Variants in ADNP2 observed in about 807,000 individuals in gnomAD.
The protein encoded by ADNP2 is ADNP homeobox 2, also known as activity-dependent neuroprotector homeobox protein 2.
Under a neutral mutation model 16.4 loss-of-function variants are expected in ADNP2, and 8 were observed. The observed-to-expected ratio is 0.49, with a 90% confidence interval of 0.29 to 0.88. ADNP2 has a LOEUF of 0.88. Ranked by LOEUF, ADNP2 falls within the 40% of genes least tolerant of loss-of-function variation. The pLI, the probability that ADNP2 is intolerant of heterozygous loss-of-function variation, is 0.09. For synonymous variants in ADNP2, 637 were observed against 545.8 expected, an observed-to-expected ratio of 1.17 and a Z score of -2.33; for missense variants, 1,397 against 1,395.1, an observed-to-expected ratio of 1.00 and a Z score of -0.02.
At chr18:80,109,658 G>A (rs1161231739) in intron 1 of ADNP2, 186 bp downstream of exon 1, 5 of 149,550 alleles carry the variant, frequency 3.3e-5, no homozygotes, top group African/African-American at 7.3e-5. Context: ...TCAGGGCGCG[G>A]GTTCGCGGCC....
chr18:80,115,196 C>T (rs1319130270), intron 1 of ADNP2, among the ~76,000 whole-genome samples: 2 of 152,110 alleles, frequency 1.3e-5, no homozygotes, highest in African/African-American at 2.4e-5. Flanking sequence ...GATATATGCC[C>T]ACATTGTCTC....
chr18:80,112,467 C>T (rs566067794), intron 1 of ADNP2, among the ~76,000 whole-genome samples: 1 of 151,682 alleles, frequency 6.6e-6, no homozygotes, highest in African/African-American at 2.4e-5. Flanking sequence ...TTTTCCCCCT[C>T]CTTTTTTTAA....
In ADNP2 at chr18:80,136,327, C is replaced by T; in HGVS notation, c.914C>T (p.Ala305Val). Residue 305 changes from alanine to valine, a missense_variant, in exon 4 of 4, where the codon GCA becomes GTA. Physicochemically the swap from Ala to Val is moderately conservative, Grantham distance 64. Coordinates refer to ENST00000262198, the MANE Select transcript of ADNP2 (RefSeq NM_014913.4). ...CCACAGAACAGTCCAAGCCCAGCCG[C>T]AGGACAGCCAGTGACTGTGGCCCAG... ...ALPQNSPSPA[A>V]GQPVTVAQGA... 4 of 1,614,146 alleles carry T rather than the reference C, an allele frequency of 2.5e-6. No individual in the cohort carries two copies. The highest frequency in any genetic ancestry group is 3.4e-6 in the Non-Finnish European group (4 of 1,179,982).
intron 3 of ADNP2, among the ~76,000 whole-genome samples, chr18:80,134,116 TCTC>T (rs1427353360): frequency 1.3e-5 from 2 of 152,172 alleles, no homozygotes; most frequent in Admixed American, 6.5e-5. Flanking sequence ...GTGATTTAGT[TCTC>T]CTCCACCTGA....
intron 1 of ADNP2, among the ~76,000 whole-genome samples, chr18:80,114,144 A>C (rs1239112616): frequency 6.6e-6 from 1 of 151,480 alleles, no homozygotes; most frequent in African/African-American, 2.4e-5. Flanking sequence ...AGTGAGCTGT[A>C]ATCAAGCCAC....
intron 1 of ADNP2, among the ~76,000 whole-genome samples, chr18:80,116,069 G>C (rs1424256220): frequency 6.6e-6 from 1 of 152,172 alleles, no homozygotes; most frequent in Non-Finnish European, 1.5e-5. Flanking sequence ...TCGGCCCACT[G>C]TTGTGCTTTC....
Position 80,137,328 on chromosome 18 carries a change from A to T in ADNP2, c.1915A>T (p.Met639Leu). 1 of 1,613,952 alleles carries T rather than the reference A, an allele frequency of 6.2e-7. No individual in the cohort carries two copies. The highest frequency in any genetic ancestry group is 8.5e-7 in the Non-Finnish European group (1 of 1,179,916). The change falls in exon 4 of 4, where the codon ATG (methionine) becomes TTG (leucine). Residue 639 changes from methionine (M) to leucine (L), a missense_variant. Met to Leu is a conservative substitution (Grantham distance 15). Transcript: ENST00000262198. This position sits in a 1 kb window ranked among gnomAD's most constrained non-coding sequence, Gnocchi z 4.2. Reference sequence around the variant, plus strand: ...CCTTGCGACTGTCGCTCCGCCCCAGATGCCCATCCAGCTCCTGCCGTCAGG... The same window carrying T: ...CCTTGCGACTGTCGCTCCGCCCCAGTTGCCCATCCAGCTCCTGCCGTCAGG... ...GGLATVAPPQMPIQLLPSGAA... is the reference protein window; with the variant it reads ...GGLATVAPPQLPIQLLPSGAA...
At chr18:80,115,457 T>C (rs1208522798) in intron 1 of ADNP2, among the ~76,000 whole-genome samples, 1 of 152,332 alleles carries the variant, frequency 6.6e-6, no homozygotes, top group East Asian at 1.9e-4. Context: ...GGCAGAGCTA[T>C]GGAATGTATG....
intron 1 of ADNP2, among the ~76,000 whole-genome samples, chr18:80,116,871 A>G (rs541852699): frequency 1.3e-5 from 2 of 152,214 alleles, no homozygotes; most frequent in East Asian, 3.9e-4. Flanking sequence ...CCTGAGCTCA[A>G]ACAGTCTGCC....
rs976623961 is a variant in ADNP2, at chr18:80,136,820, A to T, written c.1407A>T (p.Gln469His). Residue 469 changes from glutamine to histidine, a missense_variant, in exon 4 of 4, where the codon CAA (glutamine) becomes CAT (histidine). Coordinates refer to ENST00000262198, the MANE Select transcript of ADNP2 (RefSeq NM_014913.4). ...CTCCTGCAGGGGTTATCCCTGGGCA[A>T]ACAGCAACTTCTGGGGTTCTTCCTA... ...QMTPAGVIPGQTATSGVLPTG... is the reference protein window; with the variant it reads ...QMTPAGVIPGHTATSGVLPTG... The T allele has an allele frequency of 1.2e-6, 2 of 1,613,978 alleles. 1 individual carries two copies. The highest frequency in any genetic ancestry group is 2.7e-5 in the African/African-American group (2 of 74,982).
chr18:80,111,155 T>C (rs749949500), intron 1 of ADNP2, among the ~76,000 whole-genome samples: 2 of 152,334 alleles, frequency 1.3e-5, no homozygotes, highest in Non-Finnish European at 2.9e-5. Context: ...TCCCAGTGAT[T>C]TGAACCCAGA....
chr18:80,139,345 C>T lies in ADNP2; in HGVS notation c.*536C>T, dbSNP rs944403859. On this transcript the variant is annotated 3_prime_UTR_variant, in exon 4 of 4. Transcript: ENST00000262198. Reference sequence around the variant, plus strand: ...ACTTACGCTGACTTCTTTGTAAGATCTTTGCTTATAGATTATAATTTAGAT... The same window carrying T: ...ACTTACGCTGACTTCTTTGTAAGATTTTTGCTTATAGATTATAATTTAGAT... 1 of 151,240 alleles carries T rather than the reference C, an allele frequency of 6.6e-6. No homozygotes were observed. The highest frequency in any genetic ancestry group is 2.4e-5 in the African/African-American group (1 of 41,200). 9.4% of individuals were successfully genotyped at this position (151,240 alleles called of 1,614,324 possible).
At chr18:80,128,087 A>T (rs1013693535) in intron 2 of ADNP2, among the ~76,000 whole-genome samples, 1 of 152,196 alleles carries the variant, frequency 6.6e-6, no homozygotes, top group Non-Finnish European at 1.5e-5. Flanking sequence ...GGTGATAATG[A>T]CTTCATAATT....
At chr18:80,118,446 T>A (rs2052403072) in intron 2 of ADNP2, among the ~76,000 whole-genome samples, 1 of 151,586 alleles carries the variant, frequency 6.6e-6, no homozygotes, top group Non-Finnish European at 1.5e-5. Flanking sequence ...AAAAAAAAAG[T>A]TCTTATATAT....
chr18:80,137,285 G>T lies in ADNP2; in HGVS notation c.1872G>T (p.Leu624=), dbSNP rs772357620. The change falls in exon 4 of 4, where the codon CTG becomes CTT. Residue 624 remains leucine, a synonymous_variant. Transcript: ENST00000262198. This position sits in a 1 kb window ranked among gnomAD's most constrained non-coding sequence, Gnocchi z 4.2. ...TYTLAPVSVT[L]PVPPGGLATV... is the part of the protein sequence containing the mutation. ...CGCTGGCCCCCGTGTCTGTCACTCT[G>T]CCGGTTCCCCCTGGAGGCCTTGCGA... 1.9e-6 allele frequency: 3 copies of T among 1,613,942 alleles called. No individual in the cohort carries two copies.
chr18:80,136,901 G>A lies in ADNP2; in HGVS notation c.1488G>A (p.Arg496=). 6.2e-7 allele frequency: 1 copy of A among 1,614,096 alleles called. No individual in the cohort carries two copies. The highest frequency in any genetic ancestry group is 1.3e-5 in the African/African-American group (1 of 75,028). The change falls in exon 4 of 4, where the codon CGG becomes CGA. Residue 496 remains arginine (R), a synonymous_variant. Transcript: ENST00000262198. The part of the protein sequence containing the change: ...VLPVGQTAPS[R]VLPPGQTAPL... ...CTGTGGGCCAGACAGCTCCGTCACGGGTTCTTCCCCCAGGCCAGACAGCCC... is the reference window on the plus strand; with the variant it reads ...CTGTGGGCCAGACAGCTCCGTCACGAGTTCTTCCCCCAGGCCAGACAGCCC...
intron 3 of ADNP2, among the ~76,000 whole-genome samples, chr18:80,133,433 G>C (rs539080240): frequency 6.6e-6 from 1 of 152,174 alleles, no homozygotes; most frequent in Non-Finnish European, 1.5e-5. Context: ...GTTTGTCCTT[G>C]ATTATAAGAT....
rs755357706 is a variant in ADNP2 at position 80,135,759 on chromosome 18, C to T, written c.346C>T (p.Gln116Ter). 6.2e-7 allele frequency: 1 copy of T among 1,614,232 alleles called. No individual in the cohort carries two copies. The highest frequency in any genetic ancestry group is 8.5e-7 in the Non-Finnish European group (1 of 1,180,046). ...IPCPNCVFAS[Q>*]PKVVGRHFRM... is the part of the protein sequence containing the mutation. ...TTGCCCAAACTGTGTATTTGCATCTCAGCCCAAAGTTGTGGGAAGGCACTT... is the reference window on the plus strand; with the variant it reads ...TTGCCCAAACTGTGTATTTGCATCTTAGCCCAAAGTTGTGGGAAGGCACTT... Residue 116 changes from glutamine (Q) to a stop codon, truncating the protein, a stop_gained, in exon 4 of 4, where the codon CAG becomes TAG. Coordinates refer to ENST00000262198, the MANE Select transcript of ADNP2 (RefSeq NM_014913.4). LOFTEE classifies it low-confidence loss of function (END_TRUNC).
At chr18:80,134,188 C>T (rs900455743) in intron 3 of ADNP2, among the ~76,000 whole-genome samples, 1 of 152,020 alleles carries the variant, frequency 6.6e-6, no homozygotes, top group Non-Finnish European at 1.5e-5. Context: ...TCATGAATAG[C>T]AAGCCCCATT....
Sources: gnomAD v4.1 joint callset for allele counts (sites outside exome capture counted in the v4.1 genomes callset) on GRCh38, gnomAD v4.1.1 for gene constraint, Gnocchi (gnomAD v3.1) non-coding constraint, MANE v1.5 for transcripts, NCBI Gene and HGNC (gene_info 2026-07-23, HGNC 2026-07-21) for gene names.